The following SRPK1 variants were observed in gnomAD, a reference collection of about 807,000 sequenced individuals.
SRPK1 encodes SFRS protein kinase 1.
A neutral mutation model predicts 89.5 loss-of-function variants in SRPK1; 52 were observed. The ratio of observed to expected loss-of-function variants is 0.58; its 90% CI spans 0.46 to 0.73. SRPK1 has a LOEUF of 0.73. Among genes scored for constraint, SRPK1 ranks in the 30% least tolerant of loss-of-function variants. The pLI is 0.00. For synonymous variants in SRPK1, 255 were observed against 270.2 expected (o/e 0.94, Z 0.55); for missense variants, 603 against 780.6 (o/e 0.77, Z 2.71).
chr6:35,858,019 T>C (rs889055368), intron 12 of SRPK1, among the ~76,000 whole-genome samples: 32 of 152,216 alleles, frequency 2.1e-4, no homozygotes, highest in African/African-American at 7.0e-4. Flanking sequence ...TTCCACACTT[T>C]CCTATCACAT....
At chr6:35,857,408 A>T (rs1457279683) in intron 12 of SRPK1, 40 bp from the exon 13 acceptor site, 1 of 1,469,216 alleles carries the variant, frequency 6.8e-7, no homozygotes, top group Non-Finnish European at 9.4e-7. Flanking sequence ...ACTTCATTCT[A>T]AAAAGTAACA....
chr6:35,838,809 AG>A (rs760592823), intron 14 of SRPK1: 22 of 1,370,588 alleles, frequency 1.6e-5, no homozygotes, highest in Non-Finnish European at 2.0e-5. Flanking sequence ...CTAAAATAGA[AG>A]GGTAAGAAGA....
chr6:35,914,862 G>C (rs185943537), intron 2 of SRPK1, among the ~76,000 whole-genome samples: 1 of 151,736 alleles, frequency 6.6e-6, no homozygotes, highest in African/African-American at 2.4e-5. Flanking sequence ...GCAGTGGTAC[G>C]ATGTTGGCTC....
At chr6:35,850,991 C>T (rs7752551) in intron 13 of SRPK1, among the ~76,000 whole-genome samples, 47,867 of 151,754 alleles carry the variant, frequency 0.32, 7,774 homozygotes, top group South Asian at 0.42. Flanking sequence ...GGATTTAAAA[C>T]GGGGAAGTAA....
intron 3 of SRPK1, among the ~76,000 whole-genome samples, 200 bp from the exon 4 acceptor site, chr6:35,889,123 A>G (rs1282080817): frequency 1.3e-5 from 2 of 152,226 alleles, no homozygotes; most frequent in Non-Finnish European, 2.9e-5. Context: ...TTATTAAAAA[A>G]AGTGAGTAAG....
chr6:35,869,825 G>A lies in SRPK1; in HGVS notation c.1068C>T (p.Cys356=), dbSNP rs543559215. The part of the protein sequence containing the change: ...DTEGGAAEIN[C]NGVIEVINYT... ...AATTAATGACTTCAATCACTCCATT[G>A]CAATTAATTTCTGCTGCACCACCCT... Residue 356 remains cysteine, a synonymous_variant, in exon 11 of 16, where the codon TGC becomes TGT. Coordinates refer to ENST00000373825, the MANE Select transcript of SRPK1 (RefSeq NM_003137.5). The A allele has an allele frequency of 1.7e-4, 270 of 1,612,372 alleles. 2 individuals carry two copies. In the South Asian group the frequency reaches 2.8e-3, roughly 16 times the overall value.
chr6:35,915,997 T>TATATACACACAC (rs1284737691), intron 2 of SRPK1, among the ~76,000 whole-genome samples: 1 of 90,230 alleles, frequency 1.1e-5, no homozygotes, highest in African/African-American at 5.7e-5. Flanking sequence ...AAAAAATATA[T>TATATACACACAC]ACACACACAC....
In SRPK1 at chr6:35,890,874, C is replaced by T. The variant is rs375594506; in HGVS notation, c.193+21G>A. On this transcript the variant is annotated intron_variant, in intron 3 of 15. Coordinates refer to ENST00000373825, the MANE Select transcript of SRPK1 (RefSeq NM_003137.5). Reference sequence around the variant, plus strand: ...CAAATAGATGGCTCATGTCTCACTTCATACCTCTTTATGAACTTACCTTTA... The same window carrying T: ...CAAATAGATGGCTCATGTCTCACTTTATACCTCTTTATGAACTTACCTTTA... 9.7e-5 allele frequency: 150 copies of T among 1,541,054 alleles called. No individual in the cohort carries two copies. In the African/African-American group the frequency reaches 2.0e-3, roughly 20 times the overall value.
At chr6:35,864,679 C>T (rs531574135) in intron 12 of SRPK1, among the ~76,000 whole-genome samples, 1 of 152,226 alleles carries the variant, frequency 6.6e-6, no homozygotes, top group East Asian at 1.9e-4. Context: ...TCCAGCAATC[C>T]CACTGCTGCG....
chr6:35,857,219 T>G, intron 13 of SRPK1, 42 bp downstream of exon 13: 1 of 1,425,110 alleles, frequency 7.0e-7, no homozygotes, highest in Non-Finnish European at 9.8e-7. Flanking sequence ...GGGCAAGATA[T>G]GTACCACTTA....
chr6:35,892,687 A>AACG (rs1001150106), intron 2 of SRPK1, among the ~76,000 whole-genome samples: 115 of 126,590 alleles, frequency 9.1e-4, no homozygotes, highest in African/African-American at 3.6e-3. Flanking sequence ...CAACAACAAC[A>AACG]ACGACAACAA....
intron 6 of SRPK1, among the ~76,000 whole-genome samples, chr6:35,876,951 G>A (rs1770168038): frequency 1.3e-5 from 2 of 152,230 alleles, no homozygotes; most frequent in African/African-American, 4.8e-5. Flanking sequence ...AGGTACCAGA[G>A]AGAGGGGAGA....
intron 6 of SRPK1, 100 bp from the exon 7 acceptor site, chr6:35,874,439 C>T (rs1770110841): frequency 1.2e-6 from 1 of 824,546 alleles, no homozygotes; most frequent in Admixed American, 2.4e-5. Flanking sequence ...TATTTTCTTT[C>T]AGTATAAAAA....
chr6:35,863,983 C>A (rs920839845), intron 12 of SRPK1, among the ~76,000 whole-genome samples: 1 of 152,022 alleles, frequency 6.6e-6, no homozygotes, highest in Non-Finnish European at 1.5e-5. Flanking sequence ...AAACTGGATA[C>A]CCATATGCAG....
At chr6:35,899,856 C>T (rs1770704994) in intron 2 of SRPK1, among the ~76,000 whole-genome samples, 1 of 152,050 alleles carries the variant, frequency 6.6e-6, no homozygotes, top group Non-Finnish European at 1.5e-5. Context: ...CAAAAATTAG[C>T]TGGGCATGGT....
At chr6:35,851,900 A>T (rs1352903283) in intron 13 of SRPK1, among the ~76,000 whole-genome samples, 1 of 152,228 alleles carries the variant, frequency 6.6e-6, no homozygotes, top group Non-Finnish European at 1.5e-5. Flanking sequence ...AATAAGGGCA[A>T]GGCACTGCTA....
intron 2 of SRPK1, among the ~76,000 whole-genome samples, chr6:35,913,785 G>A (rs1378794873): frequency 2.8e-5 from 4 of 144,782 alleles, no homozygotes; most frequent in African/African-American, 7.7e-5. Context: ...GTGACAGAGC[G>A]AGATTCCATC....
At chr6:35,841,576 G>A (rs1482399852) in intron 14 of SRPK1, among the ~76,000 whole-genome samples, 2 of 152,132 alleles carry the variant, frequency 1.3e-5, no homozygotes, top group South Asian at 2.1e-4. Flanking sequence ...GCTCACGCCT[G>A]TAATCCCAGC....
intron 13 of SRPK1, among the ~76,000 whole-genome samples, chr6:35,849,107 C>T (rs1214586998): frequency 6.6e-6 from 1 of 151,706 alleles, no homozygotes; most frequent in Non-Finnish European, 1.5e-5. Context: ...GGTTAATATC[C>T]AAAATAATAT....
Sources: gnomAD v4.1 joint callset for allele counts (sites outside exome capture counted in the v4.1 genomes callset) on GRCh38, gnomAD v4.1.1 for gene constraint, MANE v1.5 for transcripts, NCBI Gene and HGNC (gene_info 2026-07-23, HGNC 2026-07-21) for gene names.